PCDHA2: variants seen among roughly 807,000 people sequenced by gnomAD.
PCDHA2 encodes the protein protocadherin alpha 2, also known as protocadherin alpha-2.
In PCDHA2, 58 loss-of-function variants were observed where a neutral mutation model predicts 66.0. The ratio of observed to expected loss-of-function variants is 0.88; its 90% CI spans 0.71 to 1.09. The LOEUF (loss-of-function observed/expected upper bound fraction) is 1.09. Ranked by LOEUF, PCDHA2 falls within the 50% of genes least tolerant of loss-of-function variation. The probability of loss-of-function intolerance (pLI) is 0.00; values close to 1 mark genes in which losing one functional copy is unlikely to be tolerated. For synonymous variants in PCDHA2, 634 were observed against 554.0 expected, an observed-to-expected ratio of 1.14 and a Z score of -2.03; for missense variants, 1,267 against 1,242.3, an observed-to-expected ratio of 1.02 and a Z score of -0.30.
chr5:140,858,449 G>A, intron 1 of PCDHA2: 3 of 1,532,030 alleles, frequency 2.0e-6, no homozygotes, highest in African/African-American at 2.8e-5. Context: ...GGGTTATTAC[G>A]TTTTCATTTT....
At chr5:140,807,055 A>T in intron 1 of PCDHA2, 3 of 1,064,666 alleles carry the variant, frequency 2.8e-6, no homozygotes, top group Non-Finnish European at 4.1e-6. Flanking sequence ...TTCTATTCTT[A>T]CTGGAAGGAA....
intron 1 of PCDHA2, chr5:140,851,527 A>C (rs1335605014): frequency 2.2e-6 from 2 of 905,622 alleles, no homozygotes; most frequent in Middle Eastern, 5.6e-4. Context: ...AAAATGCCTG[A>C]CAATGTAGAT....
intron 1 of PCDHA2, among the ~76,000 whole-genome samples, chr5:140,941,773 T>G (rs2093165270): frequency 6.6e-6 from 1 of 152,262 alleles, no homozygotes; most frequent in South Asian, 2.1e-4. Context: ...GATAATTGTT[T>G]TAATGTTTTA....
chr5:140,964,251 T>A (rs2095820730), intron 1 of PCDHA2, among the ~76,000 whole-genome samples: 2 of 152,330 alleles, frequency 1.3e-5, no homozygotes, highest in Non-Finnish European at 1.5e-5. Flanking sequence ...TGGCTTTATA[T>A]TTGACTCCTT....
Position 140,835,890 on chromosome 5 carries a change from G to C in PCDHA2, c.2388+38538G>C, listed in dbSNP as rs147416989. 5.6e-6 allele frequency: 9 copies of C among 1,611,850 alleles called. No individual in the cohort carries two copies. The Admixed American group carries it at 1.5e-4, about 27-fold the overall frequency. On this transcript the variant is annotated intron_variant, in intron 1 of 3. Transcript: ENST00000526136. The stretch of plus-strand genomic sequence containing the variant: ...GGTGGAGCTGCGGGTGGGCGAGCGC[G>C]CGCTGTCGAGCTACGTGTCAGTGCA...
intron 1 of PCDHA2, chr5:140,857,039 G>A: frequency 6.3e-7 from 1 of 1,595,752 alleles, no homozygotes; most frequent in Non-Finnish European, 8.6e-7. Context: ...ACCTATGGTT[G>A]GTCACTGCAC....
intron 1 of PCDHA2, chr5:140,875,367 T>C (rs937879067): frequency 6.9e-7 from 1 of 1,449,048 alleles, no homozygotes; most frequent in Non-Finnish European, 9.1e-7. Context: ...CTGGAAAAAA[T>C]TTACTAAATA....
chr5:140,973,167 C>A (rs554202231), intron 1 of PCDHA2, among the ~76,000 whole-genome samples: 44 of 152,284 alleles, frequency 2.9e-4, no homozygotes, highest in Admixed American at 2.4e-3. Context: ...TTTGTAGTCA[C>A]CAAACCTTCA....
At chr5:140,929,370 C>T in intron 1 of PCDHA2, 1 of 1,515,732 alleles carries the variant, frequency 6.6e-7, no homozygotes, top group Non-Finnish European at 8.8e-7. Flanking sequence ...CCGGAGATGG[C>T]TGCTAGCTGT....
intron 3 of PCDHA2, among the ~76,000 whole-genome samples, chr5:141,007,519 T>A (rs1554261363): frequency 6.6e-6 from 1 of 151,934 alleles, no homozygotes; most frequent in African/African-American, 2.4e-5. Context: ...AGTGAGCTGA[T>A]ATCTCGCCAC....
chr5:140,842,954 C>G, intron 1 of PCDHA2: 2 of 1,594,948 alleles, frequency 1.3e-6, no homozygotes. Flanking sequence ...CGTGCCGCCT[C>G]TGGGCAGCAA....
rs149764673 is a variant in PCDHA2 at position 140,835,585 on chromosome 5, T to A, written c.2388+38233T>A. 1.9e-6 allele frequency: 3 copies of A among 1,613,790 alleles called. No individual in the cohort carries two copies. The highest frequency in any genetic ancestry group is 1.3e-5 in the African/African-American group (1 of 74,926). On this transcript the variant is annotated intron_variant, in intron 1 of 3. Transcript: ENST00000526136. ...GTTCCCTTCAAGTTGGTGTCCACCT[T>A]CAAGAATTACTATTCATTGGTGCTG...
chr5:140,915,164 G>A (rs782783727), intron 1 of PCDHA2, among the ~76,000 whole-genome samples: 27 of 152,144 alleles, frequency 1.8e-4, no homozygotes, highest in African/African-American at 5.3e-4. Flanking sequence ...GGCCAGGATA[G>A]TCTCGATCTC....
At chr5:140,928,752 T>C (rs781823494) in intron 1 of PCDHA2, 3 of 1,614,208 alleles carry the variant, frequency 1.9e-6, no homozygotes, top group Non-Finnish European at 2.5e-6. Context: ...AGCTCCGTAC[T>C]GCTCGCTTAG....
intron 1 of PCDHA2, chr5:140,876,072 GGA>G: frequency 1.2e-6 from 2 of 1,613,902 alleles, no homozygotes; most frequent in Non-Finnish European, 8.5e-7. Flanking sequence ...GGAAGTTATT[GGA>G]CAGAGAGCAA....
At chr5:140,852,245 A>G (rs2042277804) in intron 1 of PCDHA2, 6 of 557,120 alleles carry the variant, frequency 1.1e-5, no homozygotes, top group Non-Finnish European at 1.4e-5. Flanking sequence ...CTTAAAACAC[A>G]CTTTTGGAAT....
chr5:140,824,615 T>TTTTTTG (rs1554129953), intron 1 of PCDHA2: 19 of 126,072 alleles, frequency 1.5e-4, no homozygotes, highest in African/African-American at 6.6e-4. Context: ...TTAAAGTTTT[T>TTTTTTG]TTTTTTTTTT....
At chr5:140,835,626 C>A (rs782043218) in intron 1 of PCDHA2, 2 of 1,613,880 alleles carry the variant, frequency 1.2e-6, no homozygotes. Context: ...CGCTCTGGAC[C>A]GCGAGAGTGT....
chr5:141,000,417 ATATATTTTTTT>A (rs2097924314), intron 3 of PCDHA2, among the ~76,000 whole-genome samples: 12 of 77,748 alleles, frequency 1.5e-4, no homozygotes, highest in Non-Finnish European at 2.3e-4. Flanking sequence ...ATATATATAT[ATATATTTTTTT>A]TTTTTTTTTT....
Sources: gnomAD v4.1 joint callset for allele counts (sites outside exome capture counted in the v4.1 genomes callset) on GRCh38, gnomAD v4.1.1 for gene constraint, MANE v1.5 for transcripts, NCBI Gene and HGNC (gene_info 2026-07-23, HGNC 2026-07-21) for gene names.